Variants in CACNA2D3 observed in about 807,000 individuals in gnomAD.
The protein encoded by CACNA2D3 is calcium voltage-gated channel auxiliary subunit alpha2delta 3.
Under a neutral mutation model 160.6 loss-of-function variants are expected in CACNA2D3, and 60 were observed. That is an observed-to-expected ratio of 0.37 (90% CI 0.30 to 0.46). CACNA2D3 has a LOEUF of 0.46. Among genes scored for constraint, CACNA2D3 ranks in the 20% least tolerant of loss-of-function variants. CACNA2D3 has a pLI of 1.00. For synonymous variants in CACNA2D3, 558 were observed against 492.9 expected (o/e 1.13, Z -1.75); for missense variants, 1,205 against 1,365.0 (o/e 0.88, Z 1.85).
intron 35 of CACNA2D3, among the ~76,000 whole-genome samples, chr3:55,070,572 G>A (rs911277807): frequency 1.3e-5 from 2 of 152,174 alleles, no homozygotes; most frequent in Non-Finnish European, 2.9e-5. Flanking sequence ...CTGAAAGATA[G>A]GCTTTGCAGA....
chr3:55,051,804 G>A (rs915139337), intron 35 of CACNA2D3, among the ~76,000 whole-genome samples: 13 of 152,302 alleles, frequency 8.5e-5, no homozygotes, highest in East Asian at 3.9e-4. Flanking sequence ...ATATAATCTC[G>A]TGGTGCGCCG....
At chr3:54,600,429 G>T (rs1357200488) in intron 9 of CACNA2D3, among the ~76,000 whole-genome samples, 2 of 152,168 alleles carry the variant, frequency 1.3e-5, no homozygotes, top group Admixed American at 6.5e-5. Context: ...AGCAGCTTTC[G>T]TGGGTATTTG....
intron 4 of CACNA2D3, among the ~76,000 whole-genome samples, chr3:54,440,901 C>G (rs980675207): frequency 1.4e-4 from 22 of 152,292 alleles, no homozygotes; most frequent in East Asian, 3.9e-4. Flanking sequence ...GGACATTTGG[C>G]TTGGTTCCAA....
intron 1 of CACNA2D3, 108 bp downstream of exon 1, chr3:54,122,943 CG>C (rs1699504818): frequency 9.6e-7 from 1 of 1,047,050 alleles, no homozygotes; most frequent in Admixed American, 4.7e-5. Flanking sequence ...CCGCCGCGGG[CG>C]TCGGCCTCGC....
intron 5 of CACNA2D3, among the ~76,000 whole-genome samples, chr3:54,513,957 G>A (rs577203176): frequency 2.0e-5 from 3 of 152,182 alleles, no homozygotes; most frequent in Non-Finnish European, 2.9e-5. Context: ...ACAGGCATGA[G>A]CCACCGCACC....
At position 54,880,957 on chromosome 3, in the gene CACNA2D3, G is replaced by A. The variant is rs78224794; in HGVS notation, c.1912+94G>A. 3,837 of 1,033,292 alleles carry A rather than the reference G, an allele frequency of 3.7e-3. 88 individuals carry two copies. In the African/African-American group the frequency reaches 0.048, roughly 13 times the overall value. The allele number at this position is 1,033,292 out of a possible 1,614,324, so 64.0% of individuals were successfully genotyped here. ...AGCTGAAGAACTTGTTCATCTGTCC[G>A]CACCTGTGACCAGTCCCTTGGACAT... On this transcript the variant is annotated intron_variant, in intron 21 of 37. Transcript: ENST00000474759.
intron 11 of CACNA2D3, among the ~76,000 whole-genome samples, chr3:54,647,336 C>T (rs927857597): frequency 6.6e-6 from 1 of 152,202 alleles, no homozygotes; most frequent in East Asian, 1.9e-4. Context: ...AAATTACTTA[C>T]CTAGCAATGC....
chr3:54,942,188 G>A (rs1051951159), intron 27 of CACNA2D3, among the ~76,000 whole-genome samples: 7 of 152,186 alleles, frequency 4.6e-5, no homozygotes, highest in Admixed American at 2.6e-4. Flanking sequence ...TGATACAACC[G>A]TGTATCTCTG....
Position 54,503,510 on chromosome 3 carries a change from G to A in CACNA2D3, c.400G>A (p.Val134Met). The A allele has an allele frequency of 6.2e-7, 1 of 1,613,942 alleles. No individual in the cohort carries two copies. The highest frequency in any genetic ancestry group is 8.5e-7 in the Non-Finnish European group (1 of 1,179,814). The change falls in exon 5 of 38, where the codon GTG becomes ATG. Residue 134 changes from valine (V) to methionine (M), a missense_variant. Val to Met is a conservative substitution (Grantham distance 21). Coordinates refer to ENST00000474759, the MANE Select transcript of CACNA2D3 (RefSeq NM_018398.3). ...CTTTCAGTATGAATACTTCAATGCT[G>A]TGCTGATAAATGAAAGGGACAAAGA... ...ADLQYEYFNA[V>M]LINERDKDGN...
intron 2 of CACNA2D3, among the ~76,000 whole-genome samples, chr3:54,159,665 A>G (rs921187183): frequency 6.6e-6 from 1 of 152,194 alleles, no homozygotes; most frequent in African/African-American, 2.4e-5. Flanking sequence ...TGTTGATTCT[A>G]TGTCTAATCC....
At chr3:54,358,340 T>C (rs1022890798) in intron 3 of CACNA2D3, among the ~76,000 whole-genome samples, 3 of 152,244 alleles carry the variant, frequency 2.0e-5, no homozygotes, top group African/African-American at 7.2e-5. Flanking sequence ...CAGTTGTTTC[T>C]TTGTGAAGAA....
chr3:54,525,622 T>A (rs1045540666), intron 5 of CACNA2D3, among the ~76,000 whole-genome samples: 2 of 152,170 alleles, frequency 1.3e-5, no homozygotes, highest in Admixed American at 6.5e-5. Context: ...TTTTGTTCTT[T>A]GACACTTTGA....
At chr3:54,157,314 T>C (rs1700261206) in intron 2 of CACNA2D3, among the ~76,000 whole-genome samples, 1 of 152,114 alleles carries the variant, frequency 6.6e-6, no homozygotes, top group Non-Finnish European at 1.5e-5. Context: ...CCAATGGGGG[T>C]TAGGGCTTCA....
At chr3:54,926,349 C>T (rs1575381158) in intron 27 of CACNA2D3, among the ~76,000 whole-genome samples, 1 of 152,174 alleles carries the variant, frequency 6.6e-6, no homozygotes, top group African/African-American at 2.4e-5. Flanking sequence ...ATCACTTGCC[C>T]AAGTTCACAC....
At chr3:54,360,264 C>G (rs375800815) in intron 3 of CACNA2D3, among the ~76,000 whole-genome samples, 1 of 152,184 alleles carries the variant, frequency 6.6e-6, no homozygotes, top group African/African-American at 2.4e-5. Flanking sequence ...GGATTGATTT[C>G]GGTCAGGCCA....
At chr3:54,887,916 T>A in intron 23 of CACNA2D3, 43 bp from the exon 24 acceptor site, 1 of 1,520,990 alleles carries the variant, frequency 6.6e-7, no homozygotes, top group Non-Finnish European at 9.1e-7. Flanking sequence ...ATGCCCCTCT[T>A]CCAGCCCTGC....
intron 27 of CACNA2D3, among the ~76,000 whole-genome samples, chr3:54,959,316 C>T (rs1010171100): frequency 6.6e-6 from 1 of 152,172 alleles, no homozygotes; most frequent in Non-Finnish European, 1.5e-5. Flanking sequence ...ACAGGGGACT[C>T]AGGTCCCTCC....
chr3:54,885,101 C>G (rs1699890613), intron 21 of CACNA2D3, among the ~76,000 whole-genome samples, 180 bp from the exon 22 acceptor site: 1 of 152,040 alleles, frequency 6.6e-6, no homozygotes, highest in Non-Finnish European at 1.5e-5. Flanking sequence ...GGAGAGAGTC[C>G]TGCCTGGAAG....
chr3:54,752,257 T>A (rs1701871557), intron 11 of CACNA2D3, among the ~76,000 whole-genome samples: 1 of 152,118 alleles, frequency 6.6e-6, no homozygotes, highest in Non-Finnish European at 1.5e-5. Context: ...ATGGGGAAAA[T>A]GCTTGGGGAT....
Sources: allele counts gnomAD v4.1 joint callset (sites outside exome capture counted in the v4.1 genomes callset), GRCh38; gene constraint gnomAD v4.1.1; transcripts MANE v1.5; gene names NCBI Gene and HGNC (gene_info 2026-07-23, HGNC 2026-07-21).